Variants in PTPRN2 observed in about 807,000 individuals in gnomAD.
PTPRN2 encodes receptor-type tyrosine-protein phosphatase N2.
In PTPRN2, 74 loss-of-function variants were observed where a neutral mutation model predicts 118.8. The observed-to-expected ratio is 0.62, with a 90% CI of 0.52 to 0.76. The LOEUF is 0.76. PTPRN2 is among the 30% of genes least tolerant of loss of function. The pLI is 0.00. For missense variants in PTPRN2, 1,481 were observed against 1,394.4 expected, an observed-to-expected ratio of 1.06 and a Z score of -0.99; for synonymous variants, 641 against 608.0, an observed-to-expected ratio of 1.05 and a Z score of -0.80.
chr7:158,171,741 C>T (rs1823722686), intron 5 of PTPRN2, among the ~76,000 whole-genome samples: 1 of 152,152 alleles, frequency 6.6e-6, no homozygotes, highest in East Asian at 1.9e-4. Flanking sequence ...ACTCTCAGCT[C>T]TGAGTTTAAA....
Position 157,809,655 on chromosome 7 carries a change from G to T in PTPRN2, c.1788+89018C>A, listed in dbSNP as rs977176364. 7.2e-5 allele frequency among the ~76,000 whole-genome samples: 11 copies of T among 152,254 alleles called. No individual in the cohort carries two copies. The East Asian group carries it at 1.5e-3, about 21-fold the overall frequency. ...CACGCCCCGAGGACGGAGACGGAAC[G>T]GAGTGAGGCGTCTACCTGCCAAGGA... On this transcript the variant is annotated intron_variant, in intron 12 of 22. Coordinates refer to ENST00000389418, the MANE Select transcript of PTPRN2 (RefSeq NM_002847.5).
chr7:158,130,595 A>G (rs1481471253), intron 9 of PTPRN2, among the ~76,000 whole-genome samples: 1 of 151,714 alleles, frequency 6.6e-6, no homozygotes, highest in South Asian at 2.1e-4. Context: ...GCACAAACCA[A>G]TACACATCTA....
Position 157,615,036 on chromosome 7 carries a change from C to T in PTPRN2, c.2344+6326G>A, listed in dbSNP as rs185571869. Among the ~76,000 whole-genome samples the T allele has an allele frequency of 6.6e-6, 1 of 152,304 alleles. No homozygotes were observed. The highest frequency in any genetic ancestry group is 2.4e-5 in the African/African-American group (1 of 41,562). Reference sequence around the variant, plus strand: ...TAGGAGAAGGCCCTTGTATTTAGGACCTGCAGGCAGGCTAAAGTATTTGGA... The same window carrying T: ...TAGGAGAAGGCCCTTGTATTTAGGATCTGCAGGCAGGCTAAAGTATTTGGA... On this transcript the variant is annotated intron_variant, in intron 15 of 22. Coordinates refer to ENST00000389418, the MANE Select transcript of PTPRN2 (RefSeq NM_002847.5). The surrounding 1 kb of genome is among the most constrained non-coding windows in gnomAD (Gnocchi z 4.3).
At chr7:157,771,142 C>T (rs1802778945) in intron 12 of PTPRN2, among the ~76,000 whole-genome samples, 1 of 152,242 alleles carries the variant, frequency 6.6e-6, no homozygotes, top group African/African-American at 2.4e-5. Flanking sequence ...CCAGAGCTCC[C>T]AGCCACAGCC....
intron 12 of PTPRN2, among the ~76,000 whole-genome samples, chr7:157,827,705 G>A (rs1414347844): frequency 6.7e-6 from 1 of 150,066 alleles, no homozygotes; most frequent in Non-Finnish European, 1.5e-5. Context: ...ACCAGGTGCT[G>A]GGGTGCCTTG....
intron 14 of PTPRN2, among the ~76,000 whole-genome samples, chr7:157,646,340 G>A (rs1031500755): frequency 1.1e-4 from 16 of 151,996 alleles, no homozygotes; most frequent in African/African-American, 3.4e-4. Flanking sequence ...AAAAGTGTGC[G>A]GCACTCCCCA....
chr7:158,077,920 T>C (rs746699034), intron 11 of PTPRN2, among the ~76,000 whole-genome samples: 1 of 152,164 alleles, frequency 6.6e-6, no homozygotes, highest in African/African-American at 2.4e-5. Context: ...GCCACGGAGA[T>C]TAAACGTAGC....
intron 12 of PTPRN2, among the ~76,000 whole-genome samples, chr7:157,706,717 C>T (rs564868502): frequency 5.5e-4 from 83 of 150,750 alleles, no homozygotes; most frequent in Non-Finnish European, 1.1e-3. Flanking sequence ...CCCCAGAATG[C>T]TGGGAATTGA....
intron 11 of PTPRN2, among the ~76,000 whole-genome samples, chr7:157,975,755 CT>C (rs112294322): frequency 6.8e-4 from 101 of 148,072 alleles, no homozygotes; most frequent in East Asian, 1.8e-3. Context: ...GTGAATTTAC[CT>C]TTTTTTTTTT....
chr7:158,377,469 A>G (rs899370920), intron 2 of PTPRN2, among the ~76,000 whole-genome samples: 1 of 152,224 alleles, frequency 6.6e-6, no homozygotes, highest in Non-Finnish European at 1.5e-5. Context: ...CATCACGCAT[A>G]AGAAAAGGGG....
chr7:158,161,761 C>T (rs531231877), intron 6 of PTPRN2, among the ~76,000 whole-genome samples: 21 of 152,262 alleles, frequency 1.4e-4, no homozygotes, highest in Admixed American at 3.3e-4. Flanking sequence ...AACTAATGCT[C>T]TGCAAAAGAC....
At chr7:157,809,717 G>A (rs962500055) in intron 12 of PTPRN2, among the ~76,000 whole-genome samples, 3 of 152,126 alleles carry the variant, frequency 2.0e-5, no homozygotes, top group Admixed American at 6.5e-5. Context: ...AGAGTCGCCC[G>A]AGAGCTTCCT....
At chr7:158,097,224 GA>G (rs1174670852) in intron 10 of PTPRN2, among the ~76,000 whole-genome samples, 2 of 152,088 alleles carry the variant, frequency 1.3e-5, no homozygotes, top group Non-Finnish European at 2.9e-5. Context: ...CAGGGTGGGA[GA>G]GGGGCAGGCA....
At chr7:157,909,978 CACT>C (rs1335746898) in intron 11 of PTPRN2, among the ~76,000 whole-genome samples, 1 of 152,210 alleles carries the variant, frequency 6.6e-6, no homozygotes, top group Non-Finnish European at 1.5e-5. Flanking sequence ...ATCATGCCAC[CACT>C]GTTACCTCTA....
intron 12 of PTPRN2, among the ~76,000 whole-genome samples, chr7:157,894,781 A>G: frequency 6.6e-6 from 1 of 152,164 alleles, no homozygotes; most frequent in East Asian, 1.9e-4. Flanking sequence ...ATTGAAGCCC[A>G]GGAACAGACC....
chr7:157,829,205 T>C (rs1317461860), intron 12 of PTPRN2, among the ~76,000 whole-genome samples: 1 of 152,244 alleles, frequency 6.6e-6, no homozygotes, highest in Admixed American at 6.5e-5. Context: ...CATAATAAAC[T>C]GTCTTCTACA....
At chr7:158,524,534 G>A (rs1188193727) in intron 1 of PTPRN2, among the ~76,000 whole-genome samples, 2 of 150,492 alleles carry the variant, frequency 1.3e-5, no homozygotes, top group African/African-American at 4.9e-5. Flanking sequence ...AGTCTGCCCT[G>A]GAGTGGAGTC....
rs562742819 is a variant in PTPRN2 at position 158,138,356 on chromosome 7, A to T, written c.1070T>A (p.Leu357Gln). Residue 357 changes from leucine to glutamine, a missense_variant, in exon 7 of 23, where the codon CTG (leucine) becomes CAG (glutamine). Leu to Gln is a moderately radical substitution (Grantham distance 113, BLOSUM62 -2). Coordinates refer to ENST00000389418, the MANE Select transcript of PTPRN2 (RefSeq NM_002847.5). Reference protein sequence around the residue: ...VARGSPGRAALGESGEQADGP... With the variant: ...VARGSPGRAAQGESGEQADGP... ...ATCCGCCTGTTCTCCAGACTCTCCC[A>T]GGGCCGCTCTCCCAGGGCTGCCTCG... The T allele has an allele frequency of 1.5e-4, 244 of 1,613,776 alleles. 6 individuals are homozygous for T. The South Asian group carries it at 2.5e-3, about 17-fold the overall frequency.
chr7:158,480,082 T>C (rs1436446017), intron 2 of PTPRN2, among the ~76,000 whole-genome samples: 1 of 152,184 alleles, frequency 6.6e-6, no homozygotes, highest in Non-Finnish European at 1.5e-5. Context: ...ATAAAGAGTC[T>C]GAGGAGCACG....
Sources: gnomAD v4.1 joint callset for allele counts (sites outside exome capture counted in the v4.1 genomes callset) on GRCh38, gnomAD v4.1.1 for gene constraint, Gnocchi (gnomAD v3.1) non-coding constraint, MANE v1.5 for transcripts, NCBI Gene and HGNC (gene_info 2026-07-23, HGNC 2026-07-21) for gene names.